The following SVOPL variants were observed in gnomAD, a reference collection of about 807,000 sequenced individuals.
The protein encoded by SVOPL is SVOP like.
A neutral mutation model predicts 61.0 loss-of-function variants in SVOPL; 60 were observed. The observed-to-expected ratio is 0.98, with a 90% CI of 0.80 to 1.22. SVOPL has a LOEUF of 1.22. Among genes scored for constraint, SVOPL ranks in the 50% most tolerant of loss-of-function variants. The pLI, the probability that SVOPL is intolerant of heterozygous loss-of-function variation, is 0.00. For missense variants in SVOPL, 662 were observed against 643.9 expected, an observed-to-expected ratio of 1.03 and a Z score of -0.30; for synonymous variants, 279 against 250.0, an observed-to-expected ratio of 1.12 and a Z score of -1.09.
At position 138,655,018 on chromosome 7, in the gene SVOPL, C is replaced by T. The variant is rs187979218; in HGVS notation, c.534+1430G>A. ...CCAGCCTAGGCAACATGGAGAAACC[C>T]CATCTCTACAAAAAATACAACAATC... On this transcript the variant is annotated intron_variant, in intron 7 of 15. Coordinates refer to ENST00000674285, the MANE Select transcript of SVOPL (RefSeq NM_001139456.2). 5.3e-5 allele frequency among the ~76,000 whole-genome samples: 8 copies of T among 151,630 alleles called. No homozygotes were observed. The East Asian group carries it at 1.6e-3, about 29-fold the overall frequency.
intron 4 of SVOPL, among the ~76,000 whole-genome samples, chr7:138,669,956 C>G (rs774392460): frequency 6.6e-6 from 1 of 152,134 alleles, no homozygotes; most frequent in Non-Finnish European, 1.5e-5. Context: ...CCAAGTAAAT[C>G]AACCTTTCTC....
chr7:138,610,321 G>T (rs931894218), intron 14 of SVOPL, among the ~76,000 whole-genome samples: 2 of 150,772 alleles, frequency 1.3e-5, no homozygotes, highest in African/African-American at 2.4e-5. Context: ...GCTATAAAAA[G>T]TACTATGATA....
chr7:138,621,912 A>G (rs1799603972), intron 13 of SVOPL, among the ~76,000 whole-genome samples: 2 of 132,230 alleles, frequency 1.5e-5, no homozygotes, highest in South Asian at 4.5e-4. Flanking sequence ...CTATGTATCT[A>G]TCTATGTATC....
intron 1 of SVOPL, among the ~76,000 whole-genome samples, chr7:138,680,559 C>T (rs1156510092): frequency 6.7e-6 from 1 of 149,474 alleles, no homozygotes; most frequent in African/African-American, 2.5e-5. Flanking sequence ...AGTGGCTTAC[C>T]CACACAGACT....
chr7:138,698,776 G>A (rs774621730), intron 1 of SVOPL, among the ~76,000 whole-genome samples: 1 of 152,108 alleles, frequency 6.6e-6, no homozygotes, highest in African/African-American at 2.4e-5. Context: ...TGGTAGTACT[G>A]TCTCTCACCT....
At chr7:138,607,227 C>A (rs1232046041) in intron 14 of SVOPL, among the ~76,000 whole-genome samples, 1 of 151,966 alleles carries the variant, frequency 6.6e-6, no homozygotes, top group African/African-American at 2.4e-5. Context: ...GAATCTGGAG[C>A]GAGAAGCAAG....
At chr7:138,615,157 T>C (rs992376084) in intron 14 of SVOPL, among the ~76,000 whole-genome samples, 5 of 152,120 alleles carry the variant, frequency 3.3e-5, no homozygotes, top group Non-Finnish European at 7.4e-5. Flanking sequence ...CCAAAATTCA[T>C]AGGTGGAATC....
At chr7:138,647,503 C>T (rs965543487) in intron 8 of SVOPL, among the ~76,000 whole-genome samples, 2 of 151,966 alleles carry the variant, frequency 1.3e-5, no homozygotes, top group Non-Finnish European at 2.9e-5. Context: ...ATAGGAAAGA[C>T]TTTAACAGCT....
At chr7:138,597,801 T>C (rs1798342878) in intron 14 of SVOPL, among the ~76,000 whole-genome samples, 2 of 152,148 alleles carry the variant, frequency 1.3e-5, no homozygotes, top group African/African-American at 4.8e-5. Context: ...CCACTTCTAT[T>C]ACTGGACACC....
chr7:138,634,239 G>GCA (rs1404387328), intron 9 of SVOPL, among the ~76,000 whole-genome samples: 1 of 152,118 alleles, frequency 6.6e-6, no homozygotes, highest in Non-Finnish European at 1.5e-5. Flanking sequence ...TGGTGCAGTA[G>GCA]CACACACCTA....
chr7:138,604,212 C>T lies in SVOPL; in HGVS notation c.1354-7682G>A, dbSNP rs115412388. Among the ~76,000 whole-genome samples, 539 of 152,168 alleles carry T rather than the reference C, an allele frequency of 3.5e-3. 2 individuals are homozygous for T. Among genetic ancestry groups the T allele is most frequent in the African/African-American group, 0.013 (520 of 41,536 alleles). ...CTCCCAGGATGAAGCAATCCTCCCA[C>T]TTTGACCTCCTAAAGCACTGAGAGT... On this transcript the variant is annotated intron_variant, in intron 14 of 15. Transcript: ENST00000674285.
chr7:138,630,962 A>AAG (rs1800154486), intron 9 of SVOPL, among the ~76,000 whole-genome samples: 1 of 151,146 alleles, frequency 6.6e-6, no homozygotes, highest in South Asian at 2.1e-4. Context: ...AAAAAAAAAA[A>AAG]AAAAAAAGCA....
At chr7:138,620,117 C>CT (rs1563093865) in intron 14 of SVOPL, among the ~76,000 whole-genome samples, 1 of 120,836 alleles carries the variant, frequency 8.3e-6, no homozygotes, top group South Asian at 2.7e-4. Flanking sequence ...TGTTTTTTTT[C>CT]TGTTTTGTTT....
chr7:138,655,427 C>T (rs1490551923), intron 7 of SVOPL, among the ~76,000 whole-genome samples: 2 of 152,030 alleles, frequency 1.3e-5, no homozygotes, highest in Non-Finnish European at 2.9e-5. Flanking sequence ...ATCACTTGAA[C>T]CCAGGAGGCA....
At position 138,661,732 on chromosome 7, in the gene SVOPL, C is replaced by A. The variant is rs570286581; in HGVS notation, c.345+1342G>T. Reference sequence around the variant, plus strand: ...ATAACTTAGGAAGTGCCCCCAAATTCTTTTCTCTCCTCCTTTAAAAAACCC... The same window carrying A: ...ATAACTTAGGAAGTGCCCCCAAATTATTTTCTCTCCTCCTTTAAAAAACCC... On this transcript the variant is annotated intron_variant, in intron 5 of 15. Coordinates refer to ENST00000674285, the MANE Select transcript of SVOPL (RefSeq NM_001139456.2). 118 of 856,484 alleles carry A rather than the reference C, an allele frequency of 1.4e-4. 2 individuals are homozygous for A. The South Asian group carries it at 5.7e-3, about 41-fold the overall frequency. 53.1% of individuals were successfully genotyped at this position (856,484 alleles called of 1,614,324 possible).
At chr7:138,594,748 A>C in intron 15 of SVOPL, 127 bp from the exon 16 acceptor site, 1 of 584,710 alleles carries the variant, frequency 1.7e-6, no homozygotes, top group Non-Finnish European at 2.8e-6. Flanking sequence ...GGAAAATCCT[A>C]GCATTTACCT....
intron 1 of SVOPL, among the ~76,000 whole-genome samples, chr7:138,699,608 G>A (rs1803146031): frequency 6.6e-6 from 1 of 152,098 alleles, no homozygotes; most frequent in Non-Finnish European, 1.5e-5. Flanking sequence ...TGAGAGGCAC[G>A]ACAAAATGGA....
intron 14 of SVOPL, among the ~76,000 whole-genome samples, chr7:138,619,490 A>G (rs1799450633): frequency 6.6e-6 from 1 of 151,542 alleles, no homozygotes; most frequent in African/African-American, 2.4e-5. Flanking sequence ...TTTGAAAAGT[A>G]AAAGCACCAG....
chr7:138,659,851 G>A lies in SVOPL; in HGVS notation c.470+13C>T, dbSNP rs1242272708. The A allele has an allele frequency of 5.2e-6, 8 of 1,551,158 alleles. No homozygotes were observed. The highest frequency in any genetic ancestry group is 3.9e-5 in the Admixed American group (2 of 50,946). ...ACGTTTCTGTCTCAGGGTCCCCTGGGTAACATATTTACCCTTGCGAGTGGC... is the reference window on the plus strand; with the variant it reads ...ACGTTTCTGTCTCAGGGTCCCCTGGATAACATATTTACCCTTGCGAGTGGC... On this transcript the variant is annotated intron_variant, in intron 6 of 15. Transcript: ENST00000674285.
Sources: allele counts gnomAD v4.1 joint callset (sites outside exome capture counted in the v4.1 genomes callset), GRCh38; gene constraint gnomAD v4.1.1; transcripts MANE v1.5; gene names NCBI Gene and HGNC (gene_info 2026-07-23, HGNC 2026-07-21).